Variants in ASTN2 observed in about 807,000 individuals in gnomAD.
The protein encoded by ASTN2 is astrotactin 2, also known as astrotactin-2.
Under a neutral mutation model 139.8 loss-of-function variants are expected in ASTN2, and 54 were observed. The ratio of observed to expected loss-of-function variants is 0.39; its 90% CI spans 0.31 to 0.48. The LOEUF is 0.48. Ranked by LOEUF, ASTN2 falls within the 20% of genes least tolerant of loss-of-function variation. ASTN2 has a pLI of 0.95. For synonymous variants in ASTN2, 756 were observed against 719.5 expected (o/e 1.05, Z -0.81); for missense variants, 1,565 against 1,725.1 (o/e 0.91, Z 1.64).
In ASTN2 at chr9:117,291,388, T is replaced by C; in HGVS notation, c.568A>G (p.Thr190Ala). 1.9e-6 allele frequency: 3 copies of C among 1,613,856 alleles called. No individual in the cohort carries two copies. The highest frequency in any genetic ancestry group is 2.5e-6 in the Non-Finnish European group (3 of 1,179,956). ...ACAATCTCCGAGGGCTCCTGGAGAG[T>C]GGGGGCGGTGGCTTGGGCCAGCTGC... Reference protein sequence around the residue: ...SGQLAQATAPTLQEPSEIVEE... With the variant: ...SGQLAQATAPALQEPSEIVEE... Residue 190 changes from threonine to alanine, a missense_variant, in exon 2 of 23, where the codon ACT becomes GCT. By Grantham distance (58) the Thr-to-Ala change is moderately conservative. Around this residue, in one of 4 missense-constraint regions of ASTN2, gnomAD observed 596 missense variants for 576.8 expected, o/e 1.03. Coordinates refer to ENST00000313400, the MANE Select transcript of ASTN2 (RefSeq NM_001365068.1).
intron 2 of ASTN2, among the ~76,000 whole-genome samples, chr9:117,223,192 T>C (rs770697822): frequency 7.2e-5 from 11 of 151,940 alleles, no homozygotes; most frequent in African/African-American, 2.7e-4. Flanking sequence ...ACCATTGAGG[T>C]AGATTTTAAC....
chr9:117,016,627 T>TGTTAC (rs1564385892), intron 6 of ASTN2, among the ~76,000 whole-genome samples: 5 of 5,198 alleles, frequency 9.6e-4, no homozygotes, highest in African/African-American at 1.4e-3. Flanking sequence ...TATCTATCTA[T>TGTTAC]ATATATATAT....
chr9:116,651,041 A>C (rs1384564834), intron 17 of ASTN2, among the ~76,000 whole-genome samples: 1 of 151,750 alleles, frequency 6.6e-6, no homozygotes, highest in African/African-American at 2.4e-5. Flanking sequence ...TCAGCCTCCC[A>C]ACGTAGCTGC....
chr9:117,246,669 T>C (rs1164087541), intron 2 of ASTN2, among the ~76,000 whole-genome samples: 1 of 151,916 alleles, frequency 6.6e-6, no homozygotes, highest in Admixed American at 6.6e-5. Context: ...TAAAGGAGAG[T>C]ATGGGGTGTC....
At chr9:116,497,141 C>T (rs565011442) in intron 19 of ASTN2, among the ~76,000 whole-genome samples, 1 of 152,314 alleles carries the variant, frequency 6.6e-6, no homozygotes, top group East Asian at 1.9e-4. Context: ...AGGTCACTGG[C>T]AGCACAAAGT....
intron 13 of ASTN2, among the ~76,000 whole-genome samples, chr9:116,751,220 CTA>C (rs1333965280): frequency 6.6e-6 from 1 of 152,180 alleles, no homozygotes; most frequent in African/African-American, 2.4e-5. Context: ...TTAAAAGAGA[CTA>C]TGCATATAGA....
At chr9:116,991,141 G>A (rs1006107894) in intron 7 of ASTN2, among the ~76,000 whole-genome samples, 2 of 141,928 alleles carry the variant, frequency 1.4e-5, no homozygotes, top group African/African-American at 5.0e-5. Context: ...ATTCATCACG[G>A]TAGCCAAAAG....
intron 19 of ASTN2, among the ~76,000 whole-genome samples, chr9:116,590,088 C>T (rs1854317976): frequency 6.6e-6 from 1 of 152,202 alleles, no homozygotes; most frequent in African/African-American, 2.4e-5. Context: ...GGAGATGCAG[C>T]AGGGGCTGAG....
chr9:117,159,246 T>G (rs528763866), intron 3 of ASTN2, among the ~76,000 whole-genome samples: 1 of 151,976 alleles, frequency 6.6e-6, no homozygotes, highest in African/African-American at 2.4e-5. Context: ...TTCTGAACAG[T>G]TTTTTTAAAA....
chr9:116,815,804 C>CAAAAAAAAAAAAAAAAAAAA lies in ASTN2; in HGVS notation c.2207+4793_2207+4812dup, dbSNP rs55954354. On this transcript the variant is annotated intron_variant, in intron 12 of 22. Coordinates refer to ENST00000313400, the MANE Select transcript of ASTN2 (RefSeq NM_001365068.1). Reference sequence around the variant, plus strand: ...TGGGCAACAGAGCGAGACTCCGTCTCAAAAAAAAAAAAAAAAAAAAAAAAG... The same window carrying CAAAAAAAAAAAAAAAAAAAA: ...TGGGCAACAGAGCGAGACTCCGTCTCAAAAAAAAAAAAAAAAAAAAAAAAAAAAAAAAAAAAAAAAAAAAG... Among the ~76,000 whole-genome samples the CAAAAAAAAAAAAAAAAAAAA allele has an allele frequency of 1.5e-3, 36 of 24,102 alleles. 10 individuals are homozygous for CAAAAAAAAAAAAAAAAAAAA. Among genetic ancestry groups the CAAAAAAAAAAAAAAAAAAAA allele is most frequent in the African/African-American group, 2.4e-3 (13 of 5,480 alleles). The allele number at this position is 24,102 out of a possible 152,430, so 15.8% of individuals were successfully genotyped here.
At chr9:116,581,347 A>C (rs535471885) in intron 19 of ASTN2, among the ~76,000 whole-genome samples, 9 of 152,050 alleles carry the variant, frequency 5.9e-5, no homozygotes, top group African/African-American at 1.9e-4. Context: ...TTACATCTCC[A>C]ATCAGTTGAC....
At chr9:117,043,620 A>G (rs1838643259) in intron 5 of ASTN2, among the ~76,000 whole-genome samples, 1 of 152,060 alleles carries the variant, frequency 6.6e-6, no homozygotes, top group Non-Finnish European at 1.5e-5. Flanking sequence ...TTAAGAGTCA[A>G]CATGATGGCT....
intron 7 of ASTN2, among the ~76,000 whole-genome samples, chr9:116,991,151 G>T (rs1461072538): frequency 3.1e-5 from 3 of 96,408 alleles, no homozygotes; most frequent in Non-Finnish European, 8.3e-5. Context: ...GTAGCCAAAA[G>T]GTGGGGACAC....
At chr9:117,099,465 A>G (rs1396755074) in intron 4 of ASTN2, among the ~76,000 whole-genome samples, 2 of 152,218 alleles carry the variant, frequency 1.3e-5, no homozygotes, top group Admixed American at 1.3e-4. Flanking sequence ...ATCAGACTTT[A>G]TTCTTTCCCT....
chr9:116,674,372 T>C (rs1859376727), intron 16 of ASTN2, among the ~76,000 whole-genome samples: 1 of 152,184 alleles, frequency 6.6e-6, no homozygotes, highest in Non-Finnish European at 1.5e-5. Flanking sequence ...TCACACACTT[T>C]GATTAGCTGG....
chr9:116,861,258 C>CACAA (rs1471272052), intron 11 of ASTN2, among the ~76,000 whole-genome samples: 1 of 140,300 alleles, frequency 7.1e-6, no homozygotes, highest in African/African-American at 2.5e-5. Context: ...CACACACACA[C>CACAA]ACACTCCTCT....
At chr9:116,665,210 TACTC>T (rs1858790909) in intron 16 of ASTN2, among the ~76,000 whole-genome samples, 1 of 152,186 alleles carries the variant, frequency 6.6e-6, no homozygotes, top group Non-Finnish European at 1.5e-5. Context: ...CCTTATAAAT[TACTC>T]AGTCTCAGGT....
intron 16 of ASTN2, among the ~76,000 whole-genome samples, chr9:116,666,949 C>CTTTTTTTTTTTTTT (rs34835904): frequency 1.3e-3 from 90 of 70,336 alleles, no homozygotes; most frequent in Middle Eastern, 0.014. Context: ...TTTATTTATT[C>CTTTTTTTTTTTTTT]TTTTTTTTTT....
intron 19 of ASTN2, among the ~76,000 whole-genome samples, chr9:116,580,582 C>A (rs1853909237): frequency 6.6e-6 from 1 of 152,188 alleles, no homozygotes; most frequent in Non-Finnish European, 1.5e-5. Context: ...GGATGGCCAG[C>A]CATAATTGCA....
Sources: gnomAD v4.1 joint callset for allele counts (sites outside exome capture counted in the v4.1 genomes callset) on GRCh38, gnomAD v4.1.1 for gene constraint, gnomAD v4.1.1 regional missense constraint, MANE v1.5 for transcripts, NCBI Gene and HGNC (gene_info 2026-07-23, HGNC 2026-07-21) for gene names.